IKBIP: variants seen among roughly 807,000 people sequenced by gnomAD.
IKBIP encodes IKBKB interacting protein, also known as inhibitor of nuclear factor kappa-B kinase-interacting protein.
A neutral mutation model predicts 31.0 loss-of-function variants in IKBIP; 28 were observed. The observed-to-expected ratio is 0.90, with a 90% CI of 0.67 to 1.24. The LOEUF (loss-of-function observed/expected upper bound fraction) is 1.24, where lower values mean the gene tolerates loss of function less well. Ranked by LOEUF, IKBIP falls within the 50% of genes most tolerant of loss-of-function variation. The pLI is 0.00. For synonymous variants in IKBIP, 164 were observed against 160.3 expected (o/e 1.02, Z -0.17); for missense variants, 453 against 441.9 (o/e 1.03, Z -0.23).
At chr12:98,642,681 A>G (rs572394330) in intron 1 of IKBIP, among the ~76,000 whole-genome samples, 42 of 147,398 alleles carry the variant, frequency 2.8e-4, no homozygotes, top group Admixed American at 2.6e-3. Context: ...GCTCACTGCA[A>G]CCTCCGCCTC....
chr12:98,631,040 C>T (rs909579665), intron 2 of IKBIP, among the ~76,000 whole-genome samples: 1 of 151,332 alleles, frequency 6.6e-6, no homozygotes, highest in East Asian at 1.9e-4. Flanking sequence ...TCAAGTAATT[C>T]TCCTACCTCA....
intron 2 of IKBIP, among the ~76,000 whole-genome samples, chr12:98,626,985 T>G (rs1044582610): frequency 1.3e-5 from 2 of 152,180 alleles, no homozygotes; most frequent in African/African-American, 4.8e-5. Context: ...TTATTTATTT[T>G]TTAGACGGAA....
downstream of IKBIP, chr12:98,624,154 G>T: frequency 2.5e-6 from 1 of 395,464 alleles, no homozygotes; most frequent in Non-Finnish European, 3.4e-6. Context: ...TAAATGTGGT[G>T]ATCGGTGAGA....
At chr12:98,637,642 C>T (rs1210985338) in intron 1 of IKBIP, among the ~76,000 whole-genome samples, 2 of 152,134 alleles carry the variant, frequency 1.3e-5, no homozygotes, top group African/African-American at 2.4e-5. Context: ...CTCTTGACCT[C>T]ATGTTCCGCC....
chr12:98,628,626 A>G (rs1418744746), intron 2 of IKBIP, among the ~76,000 whole-genome samples: 1 of 152,202 alleles, frequency 6.6e-6, no homozygotes, highest in African/African-American at 2.4e-5. Flanking sequence ...TTTGCCTCTT[A>G]GCACATACAA....
chr12:98,621,944 C>T (rs545526026), downstream of IKBIP, among the ~76,000 whole-genome samples: 3 of 151,892 alleles, frequency 2.0e-5, no homozygotes, highest in Admixed American at 6.6e-5. Context: ...GGCATGGTGG[C>T]GCATGCCTGT....
At chr12:98,618,289 T>C (rs1387889718) in intron 2 of IKBIP, among the ~76,000 whole-genome samples, 1 of 152,144 alleles carries the variant, frequency 6.6e-6, no homozygotes, top group Non-Finnish European at 1.5e-5. Context: ...TCTAAAATAA[T>C]TGTGTATTTC....
downstream of IKBIP, among the ~76,000 whole-genome samples, chr12:98,623,957 A>T (rs540818161): frequency 6.6e-6 from 1 of 151,254 alleles, no homozygotes; most frequent in African/African-American, 2.5e-5. Flanking sequence ...TACAGGATAT[A>T]TCTATCTAGA....
At chr12:98,620,206 C>T (rs1358105827), downstream of IKBIP, among the ~76,000 whole-genome samples, 1 of 151,492 alleles carries the variant, frequency 6.6e-6, no homozygotes, top group Non-Finnish European at 1.5e-5. Flanking sequence ...CAGGCATGAG[C>T]CACTGCCCCC....
Position 98,644,506 on chromosome 12 carries a change from G to A in IKBIP, c.179+17C>T. On this transcript the variant is annotated intron_variant, in intron 1 of 2. Coordinates refer to ENST00000299157, the MANE Select transcript of IKBIP (RefSeq NM_153687.4). The stretch of plus-strand genomic sequence containing the variant: ...GGCCCACAGGAGGCCGGCCCAGGCA[G>A]CCTCGCGTCCACTTACCAGGCCAGG... The A allele has an allele frequency of 6.4e-7, 1 of 1,572,440 alleles. No homozygotes were observed. Among genetic ancestry groups the A allele is most frequent in the Non-Finnish European group, 8.6e-7 (1 of 1,161,636 alleles).
chr12:98,625,975 T>C lies in IKBIP; in HGVS notation c.1089A>G (p.Leu363=), dbSNP rs753560997. ...AYSSTGEKGT[L]KEYNIENKGI... ...CTTTATTTTCTATATTATATTCTTTTAAAGTTCCCTTTTCTCCTGTACTTG... is the reference window on the plus strand; with the variant it reads ...CTTTATTTTCTATATTATATTCTTTCAAAGTTCCCTTTTCTCCTGTACTTG... Residue 363 remains leucine, a synonymous_variant, in exon 3 of 3, where the codon TTA becomes TTG. Transcript: ENST00000299157. 6.9e-7 allele frequency: 1 copy of C among 1,455,804 alleles called. No individual in the cohort carries two copies. The highest frequency in any genetic ancestry group is 1.4e-5 in the South Asian group (1 of 69,670). The allele number at this position is 1,455,804 out of a possible 1,614,324, so 90.2% of individuals were successfully genotyped here.
chr12:98,636,177 T>G (rs2097625619), intron 1 of IKBIP, among the ~76,000 whole-genome samples: 1 of 152,226 alleles, frequency 6.6e-6, no homozygotes, highest in African/African-American at 2.4e-5. Flanking sequence ...AACACAGTCC[T>G]GAGACAAGTG....
chr12:98,624,435 C>T lies in IKBIP; in HGVS notation c.*1495G>A. The T allele has an allele frequency of 8.1e-6, 8 of 985,018 alleles. No homozygotes were observed. Among genetic ancestry groups the T allele is most frequent in the Non-Finnish European group, 9.6e-6 (8 of 829,576 alleles). The allele number at this position is 985,018 out of a possible 1,614,324, so 61.0% of individuals were successfully genotyped here. On this transcript the variant is annotated 3_prime_UTR_variant, in exon 3 of 3. Coordinates refer to ENST00000299157, the MANE Select transcript of IKBIP (RefSeq NM_153687.4). ...CATGATTCACGCTGTCTACCACAGG[C>T]CCTCCTAACTCCAGTGGAGAAGGAG...
At position 98,614,220 on chromosome 12, in the gene IKBIP, G is replaced by A; in HGVS notation, c.418C>T (p.Gln140Ter). 6.2e-7 allele frequency: 1 copy of A among 1,613,562 alleles called. No individual in the cohort carries two copies. The highest frequency in any genetic ancestry group is 8.5e-7 in the Non-Finnish European group (1 of 1,179,812). The stretch of plus-strand genomic sequence containing the variant: ...GTCAGACTGTTGTTCAGTATATCCT[G>A]TTTTTCAGTTATCCTATTGGACCAA... Residue 140 changes from glutamine (Q) to a stop codon, truncating the protein, a stop_gained, in exon 3 of 3, where the codon CAG becomes TAG. Coordinates refer to the IKBIP transcript ENST00000342502. LOFTEE classifies it high-confidence loss of function.
chr12:98,621,484 A>G (rs1386039855), downstream of IKBIP, among the ~76,000 whole-genome samples: 1 of 152,222 alleles, frequency 6.6e-6, no homozygotes, highest in East Asian at 1.9e-4. Flanking sequence ...GCAACATGGT[A>G]GAGAACACAT....
chr12:98,624,670 T>C lies in IKBIP; in HGVS notation c.*1260A>G. The C allele has an allele frequency of 1.1e-6, 1 of 883,088 alleles. No individual in the cohort carries two copies. Among genetic ancestry groups the C allele is most frequent in the Non-Finnish European group, 1.4e-6 (1 of 736,844 alleles). The allele number at this position is 883,088 out of a possible 1,614,324, so 54.7% of individuals were successfully genotyped here. A position where few individuals can be genotyped will look rare whatever the true frequency, so the allele number is the denominator to read the frequency against. On this transcript the variant is annotated 3_prime_UTR_variant, in exon 3 of 3. Transcript: ENST00000299157. The stretch of plus-strand genomic sequence containing the variant: ...ATAATTTCAAATAAAATAAAATCAA[T>C]TCATAAAACAAATTTAGTGGTGTGG...
chr12:98,618,229 A>G (rs931032945), intron 2 of IKBIP, among the ~76,000 whole-genome samples: 11 of 152,170 alleles, frequency 7.2e-5, no homozygotes, highest in African/African-American at 2.7e-4. Flanking sequence ...TAGACTGTAA[A>G]ACATTTTTAC....
downstream of IKBIP, among the ~76,000 whole-genome samples, chr12:98,621,014 G>A (rs1222746778): frequency 2.0e-5 from 3 of 152,030 alleles, no homozygotes; most frequent in Admixed American, 1.3e-4. Flanking sequence ...TTGGGAGGCC[G>A]AGGTGGGTGG....
intron 2 of IKBIP, among the ~76,000 whole-genome samples, chr12:98,615,487 C>G (rs1431184085): frequency 6.6e-6 from 1 of 152,152 alleles, no homozygotes; most frequent in Non-Finnish European, 1.5e-5. Flanking sequence ...CCTCGACCTC[C>G]CAAAGTGCTA....
Sources: allele counts gnomAD v4.1 joint callset (sites outside exome capture counted in the v4.1 genomes callset), GRCh38; gene constraint gnomAD v4.1.1; transcripts MANE v1.5; gene names NCBI Gene and HGNC (gene_info 2026-07-23, HGNC 2026-07-21).